DENND1B: variants seen among roughly 807,000 people sequenced by gnomAD.
DENND1B encodes the protein DENN domain containing 1B.
In DENND1B, 59 loss-of-function variants were observed where a neutral mutation model predicts 90.1. The observed-to-expected ratio is 0.65, with a 90% CI of 0.53 to 0.81. The LOEUF is 0.81. Ranked by LOEUF, DENND1B falls within the 40% of genes least tolerant of loss-of-function variation. The probability of loss-of-function intolerance (pLI) is 0.00; values close to 1 mark genes in which losing one functional copy is unlikely to be tolerated. For missense variants in DENND1B, 862 were observed against 912.6 expected (o/e 0.94, Z 0.71); for synonymous variants, 337 against 324.6 (o/e 1.04, Z -0.41).
intron 8 of DENND1B, among the ~76,000 whole-genome samples, 159 bp from the exon 9 acceptor site, chr1:197,645,902 C>T (rs1190983850): frequency 6.6e-6 from 1 of 151,534 alleles, no homozygotes; most frequent in Non-Finnish European, 1.5e-5. Context: ...AATGAGTTAG[C>T]GGGTTTATAT....
At chr1:197,727,576 C>A (rs951528994) in intron 2 of DENND1B, among the ~76,000 whole-genome samples, 3 of 151,480 alleles carry the variant, frequency 2.0e-5, no homozygotes, top group African/African-American at 7.3e-5. Context: ...ATATAATTAT[C>A]AAGTTACTGG....
chr1:197,777,826 A>T (rs902834795), upstream of DENND1B, among the ~76,000 whole-genome samples: 1 of 152,152 alleles, frequency 6.6e-6, no homozygotes, highest in African/African-American at 2.4e-5. Flanking sequence ...TTAATTTTTT[A>T]AATGTTTCAA....
intron 8 of DENND1B, 41 bp downstream of exon 8, chr1:197,647,013 AT>A: frequency 7.1e-7 from 1 of 1,406,222 alleles, no homozygotes; most frequent in Non-Finnish European, 9.4e-7. Flanking sequence ...TATTTTTCCT[AT>A]TTAATAGTGA....
chr1:197,695,175 A>G (rs778534464), intron 3 of DENND1B, among the ~76,000 whole-genome samples: 19 of 151,252 alleles, frequency 1.3e-4, no homozygotes, highest in African/African-American at 3.4e-4. Flanking sequence ...TCTAGTCTAC[A>G]TAAGATAGAT....
intron 2 of DENND1B, chr1:197,736,176 T>C (rs941967194): frequency 5.7e-6 from 3 of 530,818 alleles, no homozygotes; most frequent in Non-Finnish European, 1.0e-5. Context: ...TAGGTTGGAA[T>C]ACTGCAAAAC....
At chr1:197,717,129 A>T (rs1660724498) in intron 2 of DENND1B, among the ~76,000 whole-genome samples, 1 of 151,990 alleles carries the variant, frequency 6.6e-6, no homozygotes, top group Non-Finnish European at 1.5e-5. Context: ...TAACTTAGTT[A>T]CTGCCTATGT....
Position 197,735,626 on chromosome 1 carries a change from A to T in DENND1B, c.83-20552T>A, listed in dbSNP as rs372694128. The T allele has an allele frequency of 4.5e-5, 72 of 1,614,070 alleles. No individual in the cohort carries two copies. In the Admixed American group the frequency reaches 1.2e-3, roughly 26 times the overall value. On this transcript the variant is annotated intron_variant, in intron 2 of 22. Transcript: ENST00000620048. ...GGGGCCATCTTTTCTCCTCCCGTGG[A>T]GCTGCCGCCATGAAGGTCGAGCTAT...
At chr1:197,561,551 T>C (rs1050048437) in intron 15 of DENND1B, among the ~76,000 whole-genome samples, 8 of 151,876 alleles carry the variant, frequency 5.3e-5, no homozygotes, top group Non-Finnish European at 1.0e-4. Flanking sequence ...AAATTCTACC[T>C]ACATGCTGAT....
chr1:197,556,738 T>C (rs1671750237), intron 15 of DENND1B, among the ~76,000 whole-genome samples: 1 of 151,928 alleles, frequency 6.6e-6, no homozygotes. Flanking sequence ...AAAAATACCT[T>C]ATGCGGTATT....
intron 15 of DENND1B, among the ~76,000 whole-genome samples, chr1:197,567,992 T>G (rs1206595203): frequency 1.6e-5 from 2 of 128,390 alleles, no homozygotes; most frequent in Non-Finnish European, 3.2e-5. Flanking sequence ...ACTGGGGAGA[T>G]GAGGGGAGGG....
intron 2 of DENND1B, among the ~76,000 whole-genome samples, chr1:197,740,703 T>C (rs1273208230): frequency 6.6e-6 from 1 of 152,108 alleles, no homozygotes; most frequent in Non-Finnish European, 1.5e-5. Flanking sequence ...GGAACTTGAG[T>C]CAAGAAAGGA....
rs540324661 is a variant in DENND1B, at chr1:197,629,416, C to G, written c.673-11657G>C. ...ACTGGAAATCATGATTCTCAGTAAA[C>G]TATCGCAAGGACAGAAAACCAAACA... On this transcript the variant is annotated intron_variant, in intron 10 of 22. Coordinates refer to ENST00000620048, the MANE Select transcript of DENND1B (RefSeq NM_001195215.2). Among the ~76,000 whole-genome samples, 7 of 151,486 alleles carry G rather than the reference C, an allele frequency of 4.6e-5. No homozygotes were observed. In the East Asian group the frequency reaches 1.4e-3, roughly 30 times the overall value.
At position 197,519,648 on chromosome 1, in the gene DENND1B, A is replaced by C. The variant is rs796198086; in HGVS notation, c.1516-6695T>G. ...ACTATGATTGCTATGAAAGCCCTTCAGGAAGTTGACCTAGTGTGGGAGGTC... is the reference window on the plus strand; with the variant it reads ...ACTATGATTGCTATGAAAGCCCTTCCGGAAGTTGACCTAGTGTGGGAGGTC... On this transcript the variant is annotated intron_variant, in intron 20 of 22. Coordinates refer to ENST00000620048, the MANE Select transcript of DENND1B (RefSeq NM_001195215.2). Among the ~76,000 whole-genome samples the C allele has an allele frequency of 8.2e-4, 125 of 152,068 alleles. 1 individual carries two copies. The highest frequency in any genetic ancestry group is 3.4e-3 in the Middle Eastern group (1 of 294).
intron 3 of DENND1B, among the ~76,000 whole-genome samples, chr1:197,692,836 T>G (rs1230577892): frequency 2.6e-5 from 4 of 151,698 alleles, no homozygotes; most frequent in African/African-American, 9.7e-5. Flanking sequence ...TGGAGATTCT[T>G]TTCTTTCCCT....
intron 20 of DENND1B, among the ~76,000 whole-genome samples, chr1:197,519,779 A>G (rs1459111304): frequency 6.6e-6 from 1 of 151,878 alleles, no homozygotes; most frequent in Non-Finnish European, 1.5e-5. Context: ...CAGTGGTGGG[A>G]CAATCAGGGC....
chr1:197,771,285 CTT>C (rs576312334), intron 2 of DENND1B, among the ~76,000 whole-genome samples: 57 of 152,246 alleles, frequency 3.7e-4, no homozygotes, highest in African/African-American at 1.2e-3. Context: ...TTTAGATTAA[CTT>C]ATATCATAAA....
chr1:197,724,748 A>T (rs1661476883), intron 2 of DENND1B, among the ~76,000 whole-genome samples: 1 of 152,168 alleles, frequency 6.6e-6, no homozygotes. Context: ...ATGTTATACA[A>T]TAACATAACT....
At chr1:197,625,209 T>C (rs1043844262) in intron 10 of DENND1B, among the ~76,000 whole-genome samples, 3 of 151,938 alleles carry the variant, frequency 2.0e-5, no homozygotes, top group Non-Finnish European at 4.4e-5. Context: ...AGACACATAA[T>C]TGTCAGATTC....
intron 2 of DENND1B, chr1:197,735,196 C>G (rs1412423605): frequency 7.8e-6 from 8 of 1,022,588 alleles, no homozygotes; most frequent in East Asian, 1.7e-4. Flanking sequence ...GTCCAACATG[C>G]CTACCATTGA....
Sources: gnomAD v4.1 joint callset for allele counts (sites outside exome capture counted in the v4.1 genomes callset) on GRCh38, gnomAD v4.1.1 for gene constraint, MANE v1.5 for transcripts, NCBI Gene and HGNC (gene_info 2026-07-23, HGNC 2026-07-21) for gene names.